Variants in MICAL2 observed in about 807,000 individuals in gnomAD.
MICAL2 encodes the protein [F-actin]-monooxygenase MICAL2.
MICAL2 carries 77 observed loss-of-function variants against 127.3 expected under a neutral mutation model. The observed-to-expected ratio is 0.60, with a 90% CI of 0.50 to 0.73. MICAL2 has a LOEUF of 0.73. Among genes scored for constraint, MICAL2 ranks in the 30% least tolerant of loss-of-function variants. The pLI is 0.00. For synonymous variants in MICAL2, 570 were observed against 551.1 expected (o/e 1.03, Z -0.48); for missense variants, 1,351 against 1,434.4 (o/e 0.94, Z 0.94).
chr11:12,211,335 C>G (rs903916590), intron 6 of MICAL2, among the ~76,000 whole-genome samples: 4 of 152,058 alleles, frequency 2.6e-5, no homozygotes, highest in Non-Finnish European at 5.9e-5. Context: ...GAGCCAAGAT[C>G]GCACCACTGC....
chr11:12,338,834 G>A (rs184582654), intron 32 of MICAL2, among the ~76,000 whole-genome samples: 34 of 152,212 alleles, frequency 2.2e-4, no homozygotes, highest in Middle Eastern at 3.4e-3. Context: ...GCTGTTTGTC[G>A]GATAGGCCTC....
chr11:12,166,597 GATA>G (rs1855535001), intron 3 of MICAL2, among the ~76,000 whole-genome samples: 1 of 152,202 alleles, frequency 6.6e-6, no homozygotes, highest in South Asian at 2.1e-4. Context: ...GTAAAATGAG[GATA>G]ATAAGAGTAG....
In MICAL2 at chr11:12,239,458, G is replaced by A; in HGVS notation, c.2087G>A (p.Ser696Asn). ...CAGCCTTCAAACTTTTCCAGCCGTA[G>A]CTTGGGCTCCAATCAAGAGTGTGGG... ...LDEPSNFSSR[S>N]LGSNQECGSS... The change falls in exon 17 of 28, where the codon AGC (serine) becomes AAC (asparagine). Residue 696 changes from serine (S) to asparagine (N), a missense_variant. Physicochemically the swap from Ser to Asn is conservative, Grantham distance 46. Transcript: ENST00000683283. 6.2e-7 allele frequency: 1 copy of A among 1,614,190 alleles called. No homozygotes were observed. The highest frequency in any genetic ancestry group is 1.1e-5 in the South Asian group (1 of 91,072).
downstream of MICAL2, chr11:12,292,148 ACG>A (rs1246400752): frequency 1.2e-6 from 2 of 1,613,578 alleles, no homozygotes; most frequent in East Asian, 4.5e-5. Context: ...GGTAGGTTTG[ACG>A]CCAGTGAACA....
At chr11:12,253,134 G>C (rs1400027269) in intron 22 of MICAL2, 1 of 152,252 alleles carries the variant, frequency 6.6e-6, no homozygotes, top group Non-Finnish European at 1.5e-5. Flanking sequence ...GTTTGCAGAA[G>C]GGGGTATGTA....
Position 12,249,218 on chromosome 11 carries a change from C to T in MICAL2, c.2819C>T (p.Pro940Leu), listed in dbSNP as rs370434166. 4 of 1,610,522 alleles carry T rather than the reference C, an allele frequency of 2.5e-6. No individual in the cohort carries two copies. The highest frequency in any genetic ancestry group is 3.4e-6 in the Non-Finnish European group (4 of 1,176,978). Residue 940 changes from proline to leucine, a missense_variant, in exon 22 of 28, where the codon CCC (proline) becomes CTC (leucine). Physicochemically the swap from Pro to Leu is moderately conservative, Grantham distance 98. Coordinates refer to ENST00000683283, the MANE Select transcript of MICAL2 (RefSeq NM_001282663.2). ...TCACCTTCAGGGTTCCATTTTCATC[C>T]CAGCCATTTGAGAACAGTGCATCCT... ...KKSPSGFHFHPSHLRTVHPQL... is the reference protein window; with the variant it reads ...KKSPSGFHFHLSHLRTVHPQL...
At position 12,180,515 on chromosome 11, in the gene MICAL2, A is replaced by T. The variant is rs991172042; in HGVS notation, c.264+18096A>T. 4.6e-5 allele frequency among the ~76,000 whole-genome samples: 7 copies of T among 152,274 alleles called. No homozygotes were observed. The South Asian group carries it at 1.4e-3, about 32-fold the overall frequency. On this transcript the variant is annotated intron_variant, in intron 3 of 27. Transcript: ENST00000683283. ...CACATTGATTCTGAAGCTCCTGTTC[A>T]TACCGAATGACTTATCCCTTGTTAG...
rs772675015 is a variant in MICAL2 at position 12,259,908 on chromosome 11, C to T, written c.3334+11C>T. 6.2e-7 allele frequency: 1 copy of T among 1,613,108 alleles called. No homozygotes were observed. On this transcript the variant is annotated intron_variant, in intron 26 of 27. Coordinates refer to ENST00000683283, the MANE Select transcript of MICAL2 (RefSeq NM_001282663.2). The stretch of plus-strand genomic sequence containing the variant: ...AAGGCAGCCCCCCAGGTATCTCCAC[C>T]TCCTTCTTTAGGAAGGTGCTGGGCT...
Position 12,236,220 on chromosome 11 carries a change from G to A in MICAL2, c.2039G>A (p.Arg680Gln), listed in dbSNP as rs1859038483. Residue 680 changes from arginine to glutamine, a missense_variant, in exon 16 of 28, where the codon CGG (arginine) becomes CAG (glutamine). Transcript: ENST00000683283. ...GAGAATGACATGAACAAACGGAGAC[G>A]GAAGGGCTTCACCAACCTGGACGAG... ...TGENDMNKRR[R>Q]KGFTNLDEPS... 8 of 1,614,206 alleles carry A rather than the reference G, an allele frequency of 5.0e-6. No individual in the cohort carries two copies. The highest frequency in any genetic ancestry group is 1.3e-5 in the African/African-American group (1 of 75,052).
chr11:12,354,505 G>A (rs1186927833), intron 33 of MICAL2, among the ~76,000 whole-genome samples: 2 of 151,770 alleles, frequency 1.3e-5, no homozygotes, highest in Admixed American at 6.6e-5. Flanking sequence ...AGGCGTGGTG[G>A]TGCACGCCTG....
At chr11:12,308,467 T>C (rs1442163539) in intron 29 of MICAL2, among the ~76,000 whole-genome samples, 1 of 152,224 alleles carries the variant, frequency 6.6e-6, no homozygotes, top group East Asian at 1.9e-4. Context: ...GTTTTCAGTG[T>C]GTGGATTTTT....
chr11:12,340,805 A>C (rs184656929), intron 32 of MICAL2, among the ~76,000 whole-genome samples: 67 of 152,380 alleles, frequency 4.4e-4, no homozygotes, highest in African/African-American at 1.5e-3. Context: ...AATTTCACTA[A>C]AGCCCAAAGT....
intron 15 of MICAL2, 121 bp from the exon 16 acceptor site, chr11:12,236,056 T>C: frequency 3.8e-6 from 3 of 782,936 alleles, no homozygotes; most frequent in Non-Finnish European, 6.8e-6. Context: ...TGACAGCTGT[T>C]TGTGGGCAGG....
chr11:12,220,494 C>T (rs376263912), intron 9 of MICAL2, 36 bp downstream of exon 9: 32 of 1,593,598 alleles, frequency 2.0e-5, no homozygotes, highest in African/African-American at 2.0e-4. Context: ...TGTTTCTCTG[C>T]GAGACAGATC....
At position 12,162,060 on chromosome 11, in the gene MICAL2, C is replaced by T; in HGVS notation, c.-77-19C>T. On this transcript the variant is annotated intron_variant, in intron 2 of 27. Transcript: ENST00000683283. ...CCTCATCGTCCAAAGCTGACCTCTGCCTCCCCCTACTTTCACAGGTGTGAC... is the reference window on the plus strand; with the variant it reads ...CCTCATCGTCCAAAGCTGACCTCTGTCTCCCCCTACTTTCACAGGTGTGAC... 2 of 1,554,136 alleles carry T rather than the reference C, an allele frequency of 1.3e-6. No individual in the cohort carries two copies. Among genetic ancestry groups the T allele is most frequent in the African/African-American group, 1.4e-5 (1 of 73,772 alleles).
downstream of MICAL2, among the ~76,000 whole-genome samples, chr11:12,287,870 A>G (rs532264281): frequency 3.9e-5 from 6 of 152,282 alleles, no homozygotes; most frequent in East Asian, 1.2e-3. Flanking sequence ...CTCTTCATCC[A>G]GTTCCAGGCT....
At chr11:12,339,392 C>T (rs926251184) in intron 32 of MICAL2, among the ~76,000 whole-genome samples, 4 of 151,980 alleles carry the variant, frequency 2.6e-5, no homozygotes, top group African/African-American at 7.2e-5. Context: ...GCCATTGGTT[C>T]GAACTTCCTC....
chr11:12,163,336 G>A (rs1226857031), intron 3 of MICAL2, among the ~76,000 whole-genome samples: 2 of 152,212 alleles, frequency 1.3e-5, no homozygotes, highest in Non-Finnish European at 2.9e-5. Context: ...AAAATCGAAT[G>A]TGCTGTATTT....
At chr11:12,226,684 G>A (rs1857513460) in intron 14 of MICAL2, among the ~76,000 whole-genome samples, 3 of 132,952 alleles carry the variant, frequency 2.3e-5, no homozygotes, top group Admixed American at 8.7e-5. Flanking sequence ...AGGGAGTCTC[G>A]CTTTGTCGCC....
Sources: gnomAD v4.1 joint callset for allele counts (sites outside exome capture counted in the v4.1 genomes callset) on GRCh38, gnomAD v4.1.1 for gene constraint, MANE v1.5 for transcripts, NCBI Gene and HGNC (gene_info 2026-07-23, HGNC 2026-07-21) for gene names.